HERC3: variants seen among roughly 807,000 people sequenced by gnomAD.
The protein encoded by HERC3 is probable E3 ubiquitin-protein ligase HERC3.
HERC3 carries 58 observed loss-of-function variants against 129.9 expected under a neutral mutation model. The observed-to-expected ratio is 0.45, with a 90% CI of 0.36 to 0.56. The LOEUF (loss-of-function observed/expected upper bound fraction) is 0.56. Among genes scored for constraint, HERC3 ranks in the 20% least tolerant of loss-of-function variants. HERC3 has a pLI of 0.00. For missense variants in HERC3, 835 were observed against 1,244.2 expected, an observed-to-expected ratio of 0.67 and a Z score of 4.95; for synonymous variants, 430 against 451.0, an observed-to-expected ratio of 0.95 and a Z score of 0.59.
At chr4:88,631,236 CT>C (rs1260827324) in intron 3 of HERC3, among the ~76,000 whole-genome samples, 6 of 152,136 alleles carry the variant, frequency 3.9e-5, no homozygotes, top group Admixed American at 3.9e-4. Flanking sequence ...AGGCAGATCA[CT>C]TGAGGTCAGG....
chr4:88,693,288 G>A (rs1222998919), intron 23 of HERC3: 1 of 972,660 alleles, frequency 1.0e-6, no homozygotes, highest in Non-Finnish European at 1.2e-6. Context: ...TTAATGATAA[G>A]GTCTCAGGGG....
intron 3 of HERC3, among the ~76,000 whole-genome samples, chr4:88,633,905 C>A (rs1433960798): frequency 1.3e-5 from 2 of 152,230 alleles, no homozygotes; most frequent in East Asian, 3.9e-4. Flanking sequence ...ACCAGGAATA[C>A]AGAGGAATGT....
the HERC3 span, among the ~76,000 whole-genome samples, chr4:88,544,911 T>G: frequency 2.6e-5 from 4 of 152,018 alleles, no homozygotes; most frequent in African/African-American, 7.2e-5. Context: ...TGGGGTGGGA[T>G]GCTGGGGGAG....
At chr4:88,567,532 C>T in the HERC3 span, among the ~76,000 whole-genome samples, 1 of 152,106 alleles carries the variant, frequency 6.6e-6, no homozygotes, top group Non-Finnish European at 1.5e-5. Context: ...TCTTTAAACT[C>T]ACCTAATTCT....
At chr4:88,562,307 T>A in the HERC3 span, among the ~76,000 whole-genome samples, 1 of 152,220 alleles carries the variant, frequency 6.6e-6, no homozygotes, top group African/African-American at 2.4e-5. Flanking sequence ...TTTTGAGAAA[T>A]GTCTATTCAG....
chr4:88,665,771 A>G (rs1042676481), intron 12 of HERC3, among the ~76,000 whole-genome samples: 2 of 152,202 alleles, frequency 1.3e-5, no homozygotes, highest in Non-Finnish European at 2.9e-5. Flanking sequence ...TAGAGATTAT[A>G]AAGTCATTTA....
intron 3 of HERC3, among the ~76,000 whole-genome samples, chr4:88,609,538 C>CTGGGA: frequency 6.6e-6 from 1 of 152,098 alleles, no homozygotes; most frequent in African/African-American, 2.4e-5. Context: ...TTTTTATCTA[C>CTGGGA]CAGGAAATAA....
At chr4:88,623,627 G>C (rs981417502) in intron 3 of HERC3, among the ~76,000 whole-genome samples, 5 of 152,142 alleles carry the variant, frequency 3.3e-5, no homozygotes, top group African/African-American at 1.2e-4. Context: ...ACACTATTGT[G>C]ATAAACGTTG....
At position 88,687,269 on chromosome 4, in the gene HERC3, G is replaced by A; in HGVS notation, c.2627G>A (p.Gly876Glu). The A allele has an allele frequency of 1.9e-6, 3 of 1,612,862 alleles. No individual in the cohort carries two copies. The highest frequency in any genetic ancestry group is 2.5e-6 in the Non-Finnish European group (3 of 1,179,032). ...GAACAGAAGAAGCTGATACCTGGGG[G>A]AGATAATGTAACTGTGTGCAAGGAT... ...VIEQKKLIPG[G>E]DNVTVCKDNR... Residue 876 changes from glycine to glutamate, a missense_variant, in exon 23 of 26, where the codon GGA becomes GAA. Transcript: ENST00000402738.
At chr4:88,674,868 A>G (rs1731995452) in intron 16 of HERC3, among the ~76,000 whole-genome samples, 1 of 152,168 alleles carries the variant, frequency 6.6e-6, no homozygotes, top group Non-Finnish European at 1.5e-5. Flanking sequence ...TCCCTGGAGG[A>G]ACCTAGTTAT....
In HERC3 at chr4:88,705,109, C is replaced by T. The variant is rs140168632; in HGVS notation, c.2944+499C>T. ...CTTGAACTCCTGACCTCAAGTGATC[C>T]GCCTGTTTTGGCCTCCCAAAATGCT... On this transcript the variant is annotated intron_variant, in intron 25 of 25. Coordinates refer to ENST00000402738, the MANE Select transcript of HERC3 (RefSeq NM_014606.3). 4.6e-3 allele frequency among the ~76,000 whole-genome samples: 700 copies of T among 152,154 alleles called. 11 individuals are homozygous for T. The highest frequency in any genetic ancestry group is 0.016 in the African/African-American group (665 of 41,498).
chr4:88,549,961 C>A, the HERC3 span, among the ~76,000 whole-genome samples: 2 of 152,050 alleles, frequency 1.3e-5, no homozygotes, highest in African/African-American at 4.8e-5. Flanking sequence ...GAAGAGTCAG[C>A]CCATAAAAGG....
intron 3 of HERC3, among the ~76,000 whole-genome samples, chr4:88,638,777 A>G (rs749156543): frequency 6.6e-6 from 1 of 152,188 alleles, no homozygotes; most frequent in African/African-American, 2.4e-5. Flanking sequence ...AGGGTACTCA[A>G]ATAAGAAGAG....
intron 3 of HERC3, among the ~76,000 whole-genome samples, chr4:88,625,889 AC>A (rs1726046166): frequency 1.3e-5 from 2 of 151,994 alleles, no homozygotes; most frequent in Admixed American, 6.6e-5. Flanking sequence ...TTATTTCCAA[AC>A]CTTTTGCAGT....
intron 3 of HERC3, among the ~76,000 whole-genome samples, chr4:88,633,039 G>T (rs1246771907): frequency 6.6e-6 from 1 of 152,182 alleles, no homozygotes; most frequent in African/African-American, 2.4e-5. Context: ...GAAGACTGTG[G>T]ATTTCACACC....
chr4:88,690,115 C>T (rs938835197), intron 23 of HERC3: 3 of 985,174 alleles, frequency 3.0e-6, no homozygotes, highest in South Asian at 4.7e-5. Context: ...AGAGGCTAGT[C>T]TTGATTCAAG....
the HERC3 span, among the ~76,000 whole-genome samples, chr4:88,540,489 CAG>C: frequency 1.8e-4 from 27 of 152,148 alleles, no homozygotes; most frequent in African/African-American, 6.5e-4. Flanking sequence ...CTGAAAGTGA[CAG>C]GGAGAATGGA....
At chr4:88,589,460 T>C (rs1721608120), upstream of HERC3, among the ~76,000 whole-genome samples, 1 of 152,264 alleles carries the variant, frequency 6.6e-6, no homozygotes, top group Non-Finnish European at 1.5e-5. Flanking sequence ...TATTCCTTGG[T>C]ACAATTATTT....
the HERC3 span, among the ~76,000 whole-genome samples, chr4:88,581,446 C>T: frequency 2.0e-5 from 3 of 149,576 alleles, no homozygotes; most frequent in East Asian, 1.9e-4. Context: ...TACAGGTGCC[C>T]GCGACCATGC....
Sources: allele counts gnomAD v4.1 joint callset (sites outside exome capture counted in the v4.1 genomes callset), GRCh38; gene constraint gnomAD v4.1.1; transcripts MANE v1.5; gene names NCBI Gene and HGNC (gene_info 2026-07-23, HGNC 2026-07-21).